The following COMMD1 variants were observed in gnomAD, a reference collection of about 807,000 sequenced individuals.
COMMD1 encodes COMM domain-containing protein 1.
A neutral mutation model predicts 17.2 loss-of-function variants in COMMD1; 10 were observed. That is an observed-to-expected ratio of 0.58 (90% CI 0.36 to 0.99). COMMD1 has a LOEUF of 0.99. COMMD1 is among the 50% of genes least tolerant of loss of function. The pLI, the probability that COMMD1 is intolerant of heterozygous loss-of-function variation, is 0.01. For synonymous variants in COMMD1, 97 were observed against 91.6 expected, an observed-to-expected ratio of 1.06 and a Z score of -0.34; for missense variants, 270 against 231.8, an observed-to-expected ratio of 1.17 and a Z score of -1.07.
intron 1 of COMMD1, among the ~76,000 whole-genome samples, chr2:61,940,853 A>T (rs1558528940): frequency 1.3e-5 from 2 of 149,772 alleles, no homozygotes; most frequent in Non-Finnish European, 3.0e-5. Flanking sequence ...TGCCCGGGTA[A>T]TTTTTTTTTA....
At chr2:61,943,430 G>A (rs1670806179) in intron 1 of COMMD1, among the ~76,000 whole-genome samples, 1 of 152,170 alleles carries the variant, frequency 6.6e-6, no homozygotes, top group African/African-American at 2.4e-5. Context: ...GTGGGTCAAA[G>A]TGTGCTGGTT....
At chr2:62,019,542 C>T (rs907010050) in intron 2 of COMMD1, among the ~76,000 whole-genome samples, 28 of 152,094 alleles carry the variant, frequency 1.8e-4, no homozygotes, top group African/African-American at 6.3e-4. Flanking sequence ...ATAAACATCT[C>T]CCAAAAGGCC....
chr2:62,128,300 C>T (rs192284948), intron 2 of COMMD1, among the ~76,000 whole-genome samples: 352 of 151,304 alleles, frequency 2.3e-3, no homozygotes, highest in African/African-American at 8.4e-3. Context: ...TTCACTCCAG[C>T]CTGGGCGACA....
intron 1 of COMMD1, among the ~76,000 whole-genome samples, chr2:61,891,345 C>T (rs1476567909): frequency 6.6e-6 from 1 of 152,086 alleles, no homozygotes; most frequent in South Asian, 2.1e-4. Context: ...TATTTTTGTT[C>T]GTGGGATTAG....
intron 2 of COMMD1, among the ~76,000 whole-genome samples, chr2:62,132,974 T>C (rs1292527546): frequency 1.3e-5 from 2 of 152,248 alleles, no homozygotes; most frequent in Non-Finnish European, 2.9e-5. Context: ...TCTGCTTTTC[T>C]TTCCAAAAGG....
intron 1 of COMMD1, among the ~76,000 whole-genome samples, chr2:62,000,030 C>A (rs1243662645): frequency 6.7e-6 from 1 of 148,668 alleles, no homozygotes; most frequent in Non-Finnish European, 1.5e-5. Context: ...TCAAGCGATT[C>A]TCCTGCCTCA....
intron 1 of COMMD1, among the ~76,000 whole-genome samples, chr2:61,960,115 G>GTA (rs1671302061): frequency 6.7e-6 from 1 of 148,208 alleles, no homozygotes; most frequent in South Asian, 2.1e-4. Context: ...TGGAATATAT[G>GTA]TGTGTGTGTG....
chr2:62,095,723 CA>C (rs932803621), intron 2 of COMMD1, among the ~76,000 whole-genome samples: 1 of 145,296 alleles, frequency 6.9e-6, no homozygotes, highest in Non-Finnish European at 1.5e-5. Flanking sequence ...GATTCAGCCT[CA>C]AAAGGATAAT....
chr2:61,914,075 G>C (rs1669985363), intron 1 of COMMD1, among the ~76,000 whole-genome samples: 1 of 151,870 alleles, frequency 6.6e-6, no homozygotes, highest in Admixed American at 6.6e-5. Flanking sequence ...GGGAGGCTGA[G>C]GCAGGAGACT....
chr2:61,909,463 G>A (rs562748944), intron 1 of COMMD1, among the ~76,000 whole-genome samples: 1 of 152,234 alleles, frequency 6.6e-6, no homozygotes, highest in African/African-American at 2.4e-5. Context: ...AAGGGTAGCC[G>A]TATACAGGAT....
At chr2:62,020,435 T>C (rs941718365) in intron 2 of COMMD1, among the ~76,000 whole-genome samples, 1 of 152,220 alleles carries the variant, frequency 6.6e-6, no homozygotes, top group Non-Finnish European at 1.5e-5. Flanking sequence ...AGGCTTTTTT[T>C]TGCAGCTGTG....
chr2:61,891,596 C>T (rs573021382), intron 1 of COMMD1, among the ~76,000 whole-genome samples: 62 of 151,830 alleles, frequency 4.1e-4, no homozygotes, highest in African/African-American at 1.5e-3. Flanking sequence ...GGCGTGGTGT[C>T]AGATGCCTGT....
intron 2 of COMMD1, among the ~76,000 whole-genome samples, chr2:62,122,261 C>T (rs756771802): frequency 1.3e-5 from 2 of 152,144 alleles, no homozygotes; most frequent in South Asian, 2.1e-4. Context: ...TAAATCAATA[C>T]GGAATCAGGT....
At chr2:62,055,360 C>A (rs969564779) in intron 2 of COMMD1, 1 of 450,188 alleles carries the variant, frequency 2.2e-6, no homozygotes, top group African/African-American at 2.0e-5. Context: ...AATGATGAGA[C>A]AGCAGAAGAC....
intron 2 of COMMD1, among the ~76,000 whole-genome samples, chr2:62,011,591 C>T (rs1236999786): frequency 3.3e-5 from 5 of 152,028 alleles, no homozygotes; most frequent in African/African-American, 1.2e-4. Flanking sequence ...GGATAAATCA[C>T]GTAACTCACT....
chr2:62,082,304 C>T (rs1234418482), intron 2 of COMMD1, among the ~76,000 whole-genome samples: 2 of 152,178 alleles, frequency 1.3e-5, no homozygotes, highest in African/African-American at 4.8e-5. Flanking sequence ...TGTTCTCATA[C>T]TGCATTATTT....
At chr2:62,123,096 C>T (rs1229980079) in intron 2 of COMMD1, among the ~76,000 whole-genome samples, 1 of 152,184 alleles carries the variant, frequency 6.6e-6, no homozygotes, top group East Asian at 1.9e-4. Context: ...TGTTGGCATG[C>T]ACCTATAATC....
At chr2:61,950,408 T>C (rs1303847093) in intron 1 of COMMD1, among the ~76,000 whole-genome samples, 1 of 152,210 alleles carries the variant, frequency 6.6e-6, no homozygotes, top group Non-Finnish European at 1.5e-5. Context: ...ATGTGTGTCA[T>C]GGGAGTGCTC....
chr2:61,981,811 C>G (rs986717819), intron 1 of COMMD1, among the ~76,000 whole-genome samples: 5 of 152,168 alleles, frequency 3.3e-5, no homozygotes, highest in Admixed American at 3.3e-4. Context: ...TTACCTGCCA[C>G]TGGGTCCCTC....
Sources: allele counts gnomAD v4.1 joint callset (sites outside exome capture counted in the v4.1 genomes callset), GRCh38; gene constraint gnomAD v4.1.1; transcripts MANE v1.5; gene names NCBI Gene and HGNC (gene_info 2026-07-23, HGNC 2026-07-21).